Variants in SYTL5 observed in about 807,000 individuals in gnomAD.
SYTL5 encodes the protein synaptotagmin like 5, also known as synaptotagmin-like protein 5.
A neutral mutation model predicts 55.9 loss-of-function variants in SYTL5; 34 were observed. The observed-to-expected ratio is 0.61, with a 90% confidence interval of 0.46 to 0.81. The LOEUF (loss-of-function observed/expected upper bound fraction) is 0.81. Ranked by LOEUF, SYTL5 falls within the 30% of genes least tolerant of loss-of-function variation. The pLI, the probability that SYTL5 is intolerant of heterozygous loss-of-function variation, is 0.00. For missense variants in SYTL5, 637 were observed against 546.7 expected (o/e 1.17, Z -1.65); for synonymous variants, 221 against 188.7 (o/e 1.17, Z -1.40).
rs1935028095 is a variant in SYTL5, at chrX:38,033,774, AC to A, written c.-115del. The stretch of plus-strand genomic sequence containing the variant: ...TCTGCAGAGACCTTGTAAAAATCAC[AC>A]TTTACACCAAACAACTGAGTGATTC... On this transcript the variant is annotated 5_prime_UTR_variant, in exon 2 of 17. Transcript: ENST00000297875. 2 of 425,478 alleles carry A rather than the reference AC, an allele frequency of 4.7e-6. No homozygotes were observed. Among genetic ancestry groups the A allele is most frequent in the Non-Finnish European group, 8.2e-6 (2 of 243,065 alleles). The allele number at this position is 425,478 out of a possible 1,213,427, so 35.1% of individuals were successfully genotyped here.
At chrX:38,017,823 A>G (rs1173615831) in intron 1 of SYTL5, among the ~76,000 whole-genome samples, 2 of 109,492 alleles carry the variant, frequency 1.8e-5, no homozygotes, top group Non-Finnish European at 3.8e-5. Context: ...CTAAAGACAT[A>G]AGTGATTTAC....
chrX:37,956,953 A>G, the SYTL5 span, among the ~76,000 whole-genome samples: 1 of 111,740 alleles, frequency 8.9e-6, no homozygotes, highest in Non-Finnish European at 1.9e-5. Context: ...CCAACACTTG[A>G]TATCTTTCCT....
chrX:38,067,054 G>A (rs73465495), intron 3 of SYTL5, among the ~76,000 whole-genome samples: 5,530 of 111,503 alleles, frequency 0.05, 116 homozygotes, highest in Middle Eastern at 0.084. Flanking sequence ...CTGACAAGAC[G>A]TGACACCTGA....
At chrX:37,996,254 G>T in the SYTL5 span, among the ~76,000 whole-genome samples, 2 of 112,094 alleles carry the variant, frequency 1.8e-5, no homozygotes, top group African/African-American at 3.2e-5. Context: ...GCATCACCCT[G>T]CCAGATCCCC....
chrX:38,073,423 T>A (rs183287076), intron 4 of SYTL5, among the ~76,000 whole-genome samples, 167 bp from the exon 5 acceptor site: 1 of 112,005 alleles, frequency 8.9e-6, no homozygotes, highest in African/African-American at 3.2e-5. Flanking sequence ...ACTCAACAAA[T>A]TAGAACTAAC....
chrX:37,920,423 C>G, the SYTL5 span, among the ~76,000 whole-genome samples: 1 of 110,209 alleles, frequency 9.1e-6, no homozygotes, highest in Non-Finnish European at 1.9e-5. Flanking sequence ...GCTCCCACTA[C>G]TCCTCTCCCT....
At chrX:37,984,832 C>G in the SYTL5 span, among the ~76,000 whole-genome samples, 4 of 111,638 alleles carry the variant, frequency 3.6e-5, no homozygotes, top group African/African-American at 1.3e-4. Flanking sequence ...TGGTTTAACA[C>G]CCCAAAATTA....
chrX:37,925,513 G>A, the SYTL5 span, among the ~76,000 whole-genome samples: 1 of 111,925 alleles, frequency 8.9e-6, no homozygotes, highest in Non-Finnish European at 1.9e-5. Context: ...AGTGTATGGT[G>A]TTCCCTTTTT....
intron 2 of SYTL5, among the ~76,000 whole-genome samples, chrX:38,045,444 A>G (rs1487352343): frequency 1.8e-5 from 2 of 111,704 alleles, no homozygotes; most frequent in Non-Finnish European, 3.8e-5. Context: ...TGTTTTCAGT[A>G]TTTTTTGGAT....
chrX:38,066,410 C>T (rs930189405), intron 3 of SYTL5, among the ~76,000 whole-genome samples: 22 of 111,514 alleles, frequency 2.0e-4, no homozygotes, highest in Non-Finnish European at 4.1e-4. Context: ...CAGGACAAAA[C>T]AAACCCTGAA....
At position 38,054,244 on chromosome X, in the gene SYTL5, C is replaced by A; in HGVS notation, c.151C>A (p.Arg51Ser). 1 of 1,210,079 alleles carries A rather than the reference C, an allele frequency of 8.3e-7. No individual in the cohort carries two copies. Among genetic ancestry groups the A allele is most frequent in the South Asian group, 1.8e-5 (1 of 56,763 alleles). ...KLKNELLEAK[R>S]RSGKTQQEAS... ...GAAAAATGAACTCTTAGAAGCAAAACGTAGAAGTGGGAAAACTCAACAAGA... is the reference window on the plus strand; with the variant it reads ...GAAAAATGAACTCTTAGAAGCAAAAAGTAGAAGTGGGAAAACTCAACAAGA... Residue 51 changes from arginine (R) to serine (S), a missense_variant, in exon 3 of 17, where the codon CGT becomes AGT. Arg to Ser is a moderately radical substitution (Grantham distance 110). Coordinates refer to ENST00000297875, the MANE Select transcript of SYTL5 (RefSeq NM_138780.3).
the SYTL5 span, among the ~76,000 whole-genome samples, chrX:37,975,216 G>A: frequency 8.0e-5 from 9 of 111,894 alleles, no homozygotes; most frequent in Non-Finnish European, 1.5e-4. Context: ...TAGAAGCAAG[G>A]GAACTGGAAT....
chrX:38,057,431 A>G (rs73465467), intron 3 of SYTL5, among the ~76,000 whole-genome samples: 5,629 of 111,671 alleles, frequency 0.05, 121 homozygotes, highest in Middle Eastern at 0.088. Flanking sequence ...ATAATTTGAA[A>G]TCAGGTAACG....
chrX:37,897,289 C>A, the SYTL5 span, among the ~76,000 whole-genome samples: 4 of 109,463 alleles, frequency 3.7e-5, no homozygotes, highest in Non-Finnish European at 7.6e-5. Context: ...TCGAGACCAG[C>A]CTGGCCAATA....
the SYTL5 span, among the ~76,000 whole-genome samples, chrX:37,970,738 T>A: frequency 8.9e-6 from 1 of 112,214 alleles, no homozygotes; most frequent in Admixed American, 9.5e-5. Flanking sequence ...ACTTAAGTAA[T>A]AAAACTTATG....
chrX:38,028,555 G>A (rs990527516), intron 1 of SYTL5, among the ~76,000 whole-genome samples: 1 of 111,862 alleles, frequency 8.9e-6, no homozygotes, highest in African/African-American at 3.2e-5. Context: ...GAGTTTTCTT[G>A]TCTCTGAAAA....
chrX:37,995,453 C>T, the SYTL5 span, among the ~76,000 whole-genome samples: 2 of 111,745 alleles, frequency 1.8e-5, no homozygotes, highest in African/African-American at 3.3e-5. Flanking sequence ...TCCACTGAAC[C>T]TTATATTCCC....
chrX:38,032,047 C>T (rs1329044384), intron 1 of SYTL5, among the ~76,000 whole-genome samples: 1 of 111,926 alleles, frequency 8.9e-6, no homozygotes, highest in African/African-American at 3.2e-5. Context: ...TTGTGGAAGT[C>T]GAGGAAGCTC....
In SYTL5 at chrX:38,093,647, A is replaced by G. The variant is rs1936851441; in HGVS notation, c.832-648A>G. ...CAAGTCCCAGACTGAATTCTACCAC[A>G]TGTACAAGCATTTATTAACAAGCAG... On this transcript the variant is annotated intron_variant, in intron 7 of 16. Transcript: ENST00000297875. 3.6e-5 allele frequency among the ~76,000 whole-genome samples: 4 copies of G among 111,576 alleles called. No individual in the cohort carries two copies. The South Asian group carries it at 1.5e-3, about 42-fold the overall frequency.
Sources: allele counts gnomAD v4.1 joint callset (sites outside exome capture counted in the v4.1 genomes callset), GRCh38; gene constraint gnomAD v4.1.1; transcripts MANE v1.5; gene names NCBI Gene and HGNC (gene_info 2026-07-23, HGNC 2026-07-21).